ELP4: variants seen among roughly 807,000 people sequenced by gnomAD.
ELP4 encodes the protein elongator complex protein 4.
ELP4 carries 51 observed loss-of-function variants against 48.9 expected under a neutral mutation model. The ratio of observed to expected loss-of-function variants is 1.04; its 90% CI spans 0.83 to 1.32. The LOEUF (loss-of-function observed/expected upper bound fraction) is 1.32. ELP4 is among the 40% of genes most tolerant of loss of function. ELP4 has a pLI of 0.00. For missense variants in ELP4, 519 were observed against 514.6 expected (o/e 1.01, Z -0.08); for synonymous variants, 210 against 189.2 (o/e 1.11, Z -0.90).
In ELP4 at chr11:31,706,999, G is replaced by C. The variant is rs1049825668; in HGVS notation, c.1143+56778G>C. 1.8e-5 allele frequency: 7 copies of C among 398,198 alleles called. No homozygotes were observed. In the Admixed American group the frequency reaches 2.6e-4, roughly 15 times the overall value. The allele number at this position is 398,198 out of a possible 1,614,324, so 24.7% of individuals were successfully genotyped here. The stretch of plus-strand genomic sequence containing the variant: ...TCATCTTTTTTTGGACACCTAGGTT[G>C]ACTTCATATCTTAGCTATCGTGAAT... On this transcript the variant is annotated intron_variant, in intron 9 of 9. Coordinates refer to ENST00000640961, the MANE Select transcript of ELP4 (RefSeq NM_019040.5).
At position 31,784,372 on chromosome 11, in the gene ELP4, TTGAG is replaced by T. The variant is rs1948446178; in HGVS notation, c.*851_*854del. On this transcript the variant is annotated 3_prime_UTR_variant, in exon 10 of 10. Transcript: ENST00000640961. ...ATATTTTGTTAATAATGAACATTGG[TTGAG>T]TGTGTAAATTTCTAACCATGTAAAC... The T allele has an allele frequency of 6.6e-6, 1 of 152,130 alleles. No individual in the cohort carries two copies. The highest frequency in any genetic ancestry group is 2.1e-4 in the South Asian group (1 of 4,826). 9.4% of individuals were successfully genotyped at this position (152,130 alleles called of 1,614,324 possible). A position where few individuals can be genotyped will look rare whatever the true frequency, so the allele number is the denominator to read the frequency against.
chr11:31,783,428 G>A lies in ELP4; in HGVS notation c.1179G>A (p.Val393=), dbSNP rs540014249. 2 of 1,614,052 alleles carry A rather than the reference G, an allele frequency of 1.2e-6. No individual in the cohort carries two copies. The highest frequency in any genetic ancestry group is 1.1e-5 in the South Asian group (1 of 91,078). ...LHLPPDLSDT[V]SRSSKMDLAE... ...TGCCTCCAGACTTGTCAGACACAGT[G>A]AGCCGCTCAAGCAAAATGGATCTGG... The change falls in exon 10 of 10, where the codon GTG becomes GTA. Residue 393 remains valine, a synonymous_variant. Transcript: ENST00000640961.
chr11:31,651,428 TG>T (rs1331898110), intron 9 of ELP4: 1 of 151,756 alleles, frequency 6.6e-6, no homozygotes, highest in Non-Finnish European at 1.5e-5. Context: ...GTTTCTCATC[TG>T]GGGACACTCC....
intron 9 of ELP4, among the ~76,000 whole-genome samples, chr11:31,752,705 GCGCCTGTAGTCCC>G (rs1947749438): frequency 6.6e-6 from 1 of 151,816 alleles, no homozygotes; most frequent in South Asian, 2.1e-4. Context: ...ATGGTGGTGG[GCGCCTGTAGTCCC>G]AGCTACTCGG....
rs1948743161 is a variant in ELP4 at position 31,787,463 on chromosome 11, A to G, written c.*3939A>G. 4.3e-6 allele frequency: 1 copy of G among 233,300 alleles called. No individual in the cohort carries two copies. The highest frequency in any genetic ancestry group is 8.5e-6 in the Non-Finnish European group (1 of 118,048). The allele number at this position is 233,300 out of a possible 1,614,324, so 14.5% of individuals were successfully genotyped here. A position where few individuals can be genotyped will look rare whatever the true frequency, so the allele number is the denominator to read the frequency against. The stretch of plus-strand genomic sequence containing the variant: ...CCTGACCGTGGTGGAAATTACAGCC[A>G]GCGAGAAGGAAGAAGTAAGCCAGCC... On this transcript the variant is annotated 3_prime_UTR_variant, in exon 10 of 10. Transcript: ENST00000640961.
intron 5 of ELP4, among the ~76,000 whole-genome samples, chr11:31,613,031 C>T (rs987858242): frequency 5.3e-5 from 8 of 152,142 alleles, no homozygotes; most frequent in African/African-American, 1.9e-4. Context: ...AGGGAAATTC[C>T]GTCGTGCTTT....
intron 9 of ELP4, among the ~76,000 whole-genome samples, chr11:31,665,645 G>A (rs1388126026): frequency 7.0e-6 from 1 of 142,244 alleles, no homozygotes; most frequent in East Asian, 2.0e-4. Flanking sequence ...ATGTTTAATC[G>A]TCTCTCTTCC....
intron 5 of ELP4, among the ~76,000 whole-genome samples, chr11:31,614,370 T>C (rs1277992287): frequency 6.6e-6 from 1 of 152,038 alleles, no homozygotes; most frequent in Admixed American, 6.6e-5. Flanking sequence ...TGATGGCATA[T>C]CAAAAGGACA....
intron 9 of ELP4, among the ~76,000 whole-genome samples, chr11:31,710,479 G>T (rs973128868): frequency 6.6e-6 from 1 of 152,076 alleles, no homozygotes; most frequent in Non-Finnish European, 1.5e-5. Context: ...ACAAAAATCA[G>T]CCAGGCATTG....
At chr11:31,738,981 T>TTC (rs1349084907) in intron 9 of ELP4, among the ~76,000 whole-genome samples, 2 of 152,202 alleles carry the variant, frequency 1.3e-5, no homozygotes, top group Non-Finnish European at 2.9e-5. Context: ...ATTGCATAAG[T>TTC]TCTAGAGATC....
At chr11:31,660,601 C>A (rs542031697) in intron 9 of ELP4, among the ~76,000 whole-genome samples, 2 of 152,072 alleles carry the variant, frequency 1.3e-5, no homozygotes, top group African/African-American at 2.4e-5. Flanking sequence ...TACATAGTTA[C>A]AGCTTTTAAG....
chr11:31,677,382 A>G (rs1945947976), intron 9 of ELP4, among the ~76,000 whole-genome samples: 1 of 152,322 alleles, frequency 6.6e-6, no homozygotes. Flanking sequence ...CTGTAGGTAC[A>G]TTTTCAAGTA....
chr11:31,665,812 GC>G (rs1945661068), intron 9 of ELP4, among the ~76,000 whole-genome samples: 1 of 149,166 alleles, frequency 6.7e-6, no homozygotes, highest in African/African-American at 2.5e-5. Flanking sequence ...GCGCCACCAT[GC>G]CCAGCTAATT....
chr11:31,578,011 G>A (rs1054708941), intron 3 of ELP4, among the ~76,000 whole-genome samples: 3 of 152,180 alleles, frequency 2.0e-5, no homozygotes, highest in African/African-American at 7.2e-5. Context: ...TATTGTCTCT[G>A]TTTGCAGATG....
intron 9 of ELP4, chr11:31,662,655 T>G (rs1472964148): frequency 2.0e-5 from 8 of 397,576 alleles, no homozygotes; most frequent in Non-Finnish European, 3.6e-5. Flanking sequence ...GAAAATTTAC[T>G]GAGAGAATTG....
At chr11:31,745,229 T>C (rs922220906) in intron 9 of ELP4, among the ~76,000 whole-genome samples, 7 of 151,914 alleles carry the variant, frequency 4.6e-5, no homozygotes, top group African/African-American at 1.7e-4. Context: ...CACTGCTCAA[T>C]GAAATAAAAG....
intron 9 of ELP4, among the ~76,000 whole-genome samples, chr11:31,760,632 C>T (rs894663918): frequency 6.6e-6 from 1 of 152,150 alleles, no homozygotes; most frequent in Non-Finnish European, 1.5e-5. Flanking sequence ...TAGCATATTT[C>T]ACTTCATGTC....
At chr11:31,567,951 A>G (rs1957138915) in intron 3 of ELP4, among the ~76,000 whole-genome samples, 3 of 152,184 alleles carry the variant, frequency 2.0e-5, no homozygotes. Context: ...GAAGGCAACA[A>G]TGAAGATTGC....
At chr11:31,769,921 C>G (rs1948103238) in intron 9 of ELP4, among the ~76,000 whole-genome samples, 1 of 152,172 alleles carries the variant, frequency 6.6e-6, no homozygotes, top group African/African-American at 2.4e-5. Context: ...TATTCTTAAG[C>G]CACCTGAGGG....
Sources: allele counts gnomAD v4.1 joint callset (sites outside exome capture counted in the v4.1 genomes callset), GRCh38; gene constraint gnomAD v4.1.1; transcripts MANE v1.5; gene names NCBI Gene and HGNC (gene_info 2026-07-23, HGNC 2026-07-21).